PCDHGB4: variants seen among roughly 807,000 people sequenced by gnomAD.
PCDHGB4 encodes the protein protocadherin gamma-B4.
In PCDHGB4, 38 loss-of-function variants were observed where a neutral mutation model predicts 60.5. The observed-to-expected ratio is 0.63, with a 90% CI of 0.48 to 0.82. The LOEUF (loss-of-function observed/expected upper bound fraction) is 0.82, where lower values mean the gene tolerates loss of function less well. Among genes scored for constraint, PCDHGB4 ranks in the 40% least tolerant of loss-of-function variants. The pLI is 0.00. For missense variants in PCDHGB4, 1,109 were observed against 1,209.6 expected, an observed-to-expected ratio of 0.92 and a Z score of 1.23; for synonymous variants, 456 against 509.7, an observed-to-expected ratio of 0.89 and a Z score of 1.42.
intron 1 of PCDHGB4, chr5:141,414,597 C>G: frequency 6.2e-7 from 1 of 1,613,972 alleles, no homozygotes; most frequent in South Asian, 1.1e-5. Context: ...GGGGTGCCTC[C>G]ATCTTCTCAG....
chr5:141,404,157 A>G (rs746450194), intron 1 of PCDHGB4: 12 of 1,613,094 alleles, frequency 7.4e-6, no homozygotes, highest in Non-Finnish European at 5.9e-6. Flanking sequence ...GAAGATTATT[A>G]CAGATTGTTG....
intron 1 of PCDHGB4, chr5:141,484,976 G>T: frequency 1.7e-6 from 1 of 592,920 alleles, no homozygotes; most frequent in South Asian, 2.1e-5. Flanking sequence ...GCCGCTGTCT[G>T]CCAATCGGGT....
Position 141,431,530 on chromosome 5 carries a change from G to A in PCDHGB4, c.2397+41249G>A. On this transcript the variant is annotated intron_variant, in intron 1 of 3. Transcript: ENST00000519479. The surrounding 1 kb of genome is among the most constrained non-coding windows in gnomAD (Gnocchi z 4.8). ...CGAGCGTTCCGGAGAATCTGGCCTT[G>A]GGCACGCAGCTGCTTGTAGTCAACG... 3 of 1,614,072 alleles carry A rather than the reference G, an allele frequency of 1.9e-6. No homozygotes were observed. In the South Asian group the frequency reaches 3.3e-5, roughly 18 times the overall value.
intron 1 of PCDHGB4, among the ~76,000 whole-genome samples, chr5:141,492,409 C>G (rs1367119266): frequency 6.6e-6 from 1 of 152,230 alleles, no homozygotes; most frequent in Non-Finnish European, 1.5e-5. Flanking sequence ...TCCCCTCTGC[C>G]GCTCCCTCCG....
intron 1 of PCDHGB4, chr5:141,420,546 G>T: frequency 3.5e-6 from 1 of 284,254 alleles, no homozygotes; most frequent in Admixed American, 5.0e-5. Flanking sequence ...ATAAAATACA[G>T]GTATATTTTT....
At position 141,491,587 on chromosome 5, in the gene PCDHGB4, G is replaced by A. The variant is rs1177701526; in HGVS notation, c.2398-3220G>A. 1.2e-6 allele frequency: 2 copies of A among 1,613,834 alleles called. No individual in the cohort carries two copies. Among genetic ancestry groups the A allele is most frequent in the African/African-American group, 2.7e-5 (2 of 74,926 alleles). On this transcript the variant is annotated intron_variant, in intron 1 of 3. Coordinates refer to ENST00000519479, the MANE Select transcript of PCDHGB4 (RefSeq NM_003736.4). The surrounding 1 kb of genome is among the most constrained non-coding windows in gnomAD (Gnocchi z 6.9). ...CAGGACGTGCTTTTCACCGGCCTCG[G>A]ACGGCAGTGACTTCACTTTTCTAAG...
chr5:141,511,412 C>A lies in PCDHGB4; in HGVS notation c.*239C>A. 1.1e-6 allele frequency: 1 copy of A among 892,000 alleles called. No homozygotes were observed. Among genetic ancestry groups the A allele is most frequent in the Non-Finnish European group, 1.6e-6 (1 of 609,476 alleles). The allele number at this position is 892,000 out of a possible 1,614,324, so 55.3% of individuals were successfully genotyped here. On this transcript the variant is annotated 3_prime_UTR_variant, in exon 4 of 4. Coordinates refer to ENST00000519479, the MANE Select transcript of PCDHGB4 (RefSeq NM_003736.4). ...AACCCCCATCCAATCAACTGCTGTA[C>A]CCATGGGGGTAGTGGGGTTACTGTA...
chr5:141,415,690 G>C (rs1218128531), intron 1 of PCDHGB4: 4 of 1,512,972 alleles, frequency 2.6e-6, no homozygotes, highest in Non-Finnish European at 3.6e-6. Context: ...CATGATGGTG[G>C]AAAGTGTAAA....
At chr5:141,420,291 G>A in intron 1 of PCDHGB4, 1 of 1,494,346 alleles carries the variant, frequency 6.7e-7, no homozygotes, top group Non-Finnish European at 9.0e-7. Context: ...ATTTAAAAAT[G>A]TATTTAATCC....
intron 1 of PCDHGB4, chr5:141,404,904 AG>A: frequency 3.1e-6 from 5 of 1,613,864 alleles, no homozygotes; most frequent in Non-Finnish European, 4.2e-6. Flanking sequence ...GACCATGGCC[AG>A]CCCCCTCTCT....
chr5:141,419,316 G>C (rs775328616), intron 1 of PCDHGB4: 2 of 1,613,876 alleles, frequency 1.2e-6, no homozygotes, highest in African/African-American at 1.3e-5. Flanking sequence ...CTCAACGGCC[G>C]TGTCTCCTAC....
chr5:141,497,739 A>G (rs1180122239), intron 2 of PCDHGB4, among the ~76,000 whole-genome samples: 1 of 152,118 alleles, frequency 6.6e-6, no homozygotes, highest in Admixed American at 6.6e-5. Flanking sequence ...GGGTTTCGCC[A>G]CGTTGGCCAG....
chr5:141,449,471 G>A (rs1261821886), intron 1 of PCDHGB4, among the ~76,000 whole-genome samples: 1 of 151,060 alleles, frequency 6.6e-6, no homozygotes, highest in African/African-American at 2.4e-5. Flanking sequence ...GCCAGGCCTG[G>A]TACCCCATGC....
rs769461165 is a variant in PCDHGB4, at chr5:141,491,293, C to G, written c.2398-3514C>G. 2 of 1,614,048 alleles carry G rather than the reference C, an allele frequency of 1.2e-6. No individual in the cohort carries two copies. Among genetic ancestry groups the G allele is most frequent in the Admixed American group, 3.3e-5 (2 of 60,008 alleles). ...ATCCAGTGACTTCCTCATACACCCT[C>G]CTGAGCGTTCAGACCTTACCCTTTA... On this transcript the variant is annotated intron_variant, in intron 1 of 3. Coordinates refer to ENST00000519479, the MANE Select transcript of PCDHGB4 (RefSeq NM_003736.4). This position sits in a 1 kb window ranked among gnomAD's most constrained non-coding sequence, Gnocchi z 6.9.
rs148641580 is a variant in PCDHGB4 at position 141,437,874 on chromosome 5, A to C, written c.2397+47593A>C. 3.9e-4 allele frequency among the ~76,000 whole-genome samples: 59 copies of C among 151,954 alleles called. 1 individual carries two copies. In the East Asian group the frequency reaches 5.8e-3, roughly 15 times the overall value. Reference sequence around the variant, plus strand: ...TGCCTTAGCCTCCCGAGTAGCTGGGACTACAGGCACACGCCACCACACCCA... The same window carrying C: ...TGCCTTAGCCTCCCGAGTAGCTGGGCCTACAGGCACACGCCACCACACCCA... On this transcript the variant is annotated intron_variant, in intron 1 of 3. Transcript: ENST00000519479.
chr5:141,473,029 G>A (rs62379204), intron 1 of PCDHGB4, among the ~76,000 whole-genome samples: 15,982 of 147,800 alleles, frequency 0.11, 873 homozygotes, highest in South Asian at 0.15. Flanking sequence ...AAGGAAGGAA[G>A]GAAGGAAAGA....
intron 1 of PCDHGB4, chr5:141,422,554 G>A (rs753985751): frequency 1.2e-5 from 19 of 1,613,870 alleles, no homozygotes; most frequent in Non-Finnish European, 1.6e-5. Flanking sequence ...CTGGCTGAAT[G>A]TGGCAGATGA....
At chr5:141,412,479 T>G (rs1282087411) in intron 1 of PCDHGB4, 1 of 152,180 alleles carries the variant, frequency 6.6e-6, no homozygotes, top group African/African-American at 2.4e-5. Context: ...TTTAAAAACC[T>G]CTTACACAAT....
intron 1 of PCDHGB4, chr5:141,414,488 C>T (rs755499269): frequency 2.5e-6 from 4 of 1,613,914 alleles, no homozygotes; most frequent in African/African-American, 2.7e-5. Flanking sequence ...CCTCTATCAA[C>T]GGAAGCTCAC....
Sources: allele counts gnomAD v4.1 joint callset (sites outside exome capture counted in the v4.1 genomes callset), GRCh38; gene constraint gnomAD v4.1.1; non-coding constraint Gnocchi (gnomAD v3.1); transcripts MANE v1.5; gene names NCBI Gene and HGNC (gene_info 2026-07-23, HGNC 2026-07-21).